Variants in SOCS7 observed in about 807,000 individuals in gnomAD.
SOCS7 encodes NAP-4.
A neutral mutation model predicts 58.9 loss-of-function variants in SOCS7; 18 were observed. The ratio of observed to expected loss-of-function variants is 0.31; its 90% CI spans 0.21 to 0.45. The LOEUF (loss-of-function observed/expected upper bound fraction) is 0.45, where lower values mean the gene tolerates loss of function less well. Ranked by LOEUF, SOCS7 falls within the 20% of genes least tolerant of loss-of-function variation. SOCS7 has a pLI of 1.00. For synonymous variants in SOCS7, 388 were observed against 364.3 expected (o/e 1.06, Z -0.74); for missense variants, 667 against 837.3 (o/e 0.80, Z 2.51).
chr17:38,386,540 C>G (rs2038070302), intron 7 of SOCS7, among the ~76,000 whole-genome samples: 1 of 152,100 alleles, frequency 6.6e-6, no homozygotes, highest in Non-Finnish European at 1.5e-5. Flanking sequence ...ATAGGAAACA[C>G]ATGATGTCTG....
intron 7 of SOCS7, among the ~76,000 whole-genome samples, chr17:38,392,454 C>A (rs1217470192): frequency 6.6e-6 from 1 of 152,174 alleles, no homozygotes; most frequent in Middle Eastern, 3.2e-3. Context: ...CCAAAGCTTT[C>A]TGTTTGCCAC....
At chr17:38,382,036 A>C (rs1204516414) in intron 7 of SOCS7, among the ~76,000 whole-genome samples, 1 of 151,610 alleles carries the variant, frequency 6.6e-6, no homozygotes, top group Non-Finnish European at 1.5e-5. Flanking sequence ...GTCACACAAA[A>C]CCTCTGATCC....
Position 38,402,265 on chromosome 17 carries a change from A to C in SOCS7, c.*2783A>C, listed in dbSNP as rs2038330326. 1 of 152,718 alleles carries C rather than the reference A, an allele frequency of 6.5e-6. No individual in the cohort carries two copies. 9.5% of individuals were successfully genotyped at this position (152,718 alleles called of 1,614,324 possible). A position where few individuals can be genotyped will look rare whatever the true frequency, so the allele number is the denominator to read the frequency against. On this transcript the variant is annotated 3_prime_UTR_variant, in exon 10 of 10. Coordinates refer to ENST00000612932, the MANE Select transcript of SOCS7 (RefSeq NM_014598.4). ...TTGGTGCCTGCATGGGTGGCCTTGC[A>C]CAGAGCAGTTAGGGGAAGATGAGGG...
chr17:38,395,828 C>T lies in SOCS7; in HGVS notation c.1818-20C>T. ...TTGTATAAAAACCTTTTGTGTATAT[C>T]CGTCATTTGTTTTTCACAGACCTCT... is the stretch of plus-strand genomic sequence containing the variant. On this transcript the variant is annotated intron_variant, in intron 8 of 9. Coordinates refer to ENST00000612932, the MANE Select transcript of SOCS7 (RefSeq NM_014598.4). The T allele has an allele frequency of 1.2e-6, 2 of 1,605,426 alleles. No homozygotes were observed. Among genetic ancestry groups the T allele is most frequent in the Non-Finnish European group, 1.7e-6 (2 of 1,177,422 alleles).
chr17:38,366,793 GC>G (rs1018955579), intron 5 of SOCS7, among the ~76,000 whole-genome samples: 1 of 152,172 alleles, frequency 6.6e-6, no homozygotes, highest in Admixed American at 6.5e-5. Flanking sequence ...ACCACACCCA[GC>G]CCCTGTTTAT....
chr17:38,392,747 TGG>T (rs1404890649), intron 7 of SOCS7, among the ~76,000 whole-genome samples: 1 of 152,174 alleles, frequency 6.6e-6, no homozygotes, highest in African/African-American at 2.4e-5. Flanking sequence ...GTGACTGTCC[TGG>T]ACAACCTCCC....
chr17:38,370,964 T>G (rs918961807), intron 6 of SOCS7, among the ~76,000 whole-genome samples: 1 of 152,200 alleles, frequency 6.6e-6, no homozygotes, highest in African/African-American at 2.4e-5. Flanking sequence ...ACTGGAATTT[T>G]TAATGGAAAC....
Position 38,351,954 on chromosome 17 carries a change from G to C in SOCS7, c.-99G>C, listed in dbSNP as rs972764719. ...AGAGGCCGCGGCGGCCGTTAGCGCT[G>C]TCGCTCCGGGGGCCGCGGCGGGCGG... On this transcript the variant is annotated 5_prime_UTR_variant, in exon 1 of 10. Transcript: ENST00000612932. Among the ~76,000 whole-genome samples, 1 of 151,308 alleles carries C rather than the reference G, an allele frequency of 6.6e-6. No homozygotes were observed. Among genetic ancestry groups the C allele is most frequent in the Non-Finnish European group, 1.5e-5 (1 of 67,756 alleles).
At chr17:38,395,749 C>G in intron 8 of SOCS7, 99 bp from the exon 9 acceptor site, 5 of 1,256,870 alleles carry the variant, frequency 4.0e-6, no homozygotes, top group Non-Finnish European at 4.5e-6. Context: ...TGTTAGGTCT[C>G]AACCATGTAG....
chr17:38,362,140 C>T (rs777506864), intron 2 of SOCS7, among the ~76,000 whole-genome samples: 3 of 152,178 alleles, frequency 2.0e-5, no homozygotes, highest in Non-Finnish European at 4.4e-5. Flanking sequence ...GTCTCTGCTT[C>T]CAAGGGAGTT....
rs1281639741 is a variant in SOCS7 at position 38,373,652 on chromosome 17, AG to A, written c.1553-4060del. On this transcript the variant is annotated intron_variant, in intron 6 of 9. Transcript: ENST00000612932. ...TCATCAGTGCTTTGTCTCTGGAGTAAGGAAGTACCTTGCCAGTAAGGGATTG... is the reference window on the plus strand; with the variant it reads ...TCATCAGTGCTTTGTCTCTGGAGTAAGAAGTACCTTGCCAGTAAGGGATTG... 1.1e-4 allele frequency among the ~76,000 whole-genome samples: 16 copies of A among 152,304 alleles called. No homozygotes were observed. The South Asian group carries it at 3.3e-3, about 32-fold the overall frequency.
At chr17:38,370,331 C>CT (rs2037846441) in intron 6 of SOCS7, among the ~76,000 whole-genome samples, 1 of 152,020 alleles carries the variant, frequency 6.6e-6, no homozygotes, top group African/African-American at 2.4e-5. Context: ...ACTTTGCTTC[C>CT]TTGAATAAGT....
intron 7 of SOCS7, among the ~76,000 whole-genome samples, chr17:38,383,234 G>A (rs1408896146): frequency 6.6e-6 from 1 of 152,266 alleles, no homozygotes. Context: ...GATGATTATA[G>A]TACCTCACTT....
At position 38,352,922 on chromosome 17, in the gene SOCS7, C is replaced by T; in HGVS notation, c.870C>T (p.Gly290=). 6.2e-7 allele frequency: 1 copy of T among 1,607,104 alleles called. No homozygotes were observed. The highest frequency in any genetic ancestry group is 8.5e-7 in the Non-Finnish European group (1 of 1,177,980). Residue 290 remains glycine (G), a synonymous_variant, in exon 1 of 10, where the codon GGC becomes GGT. Transcript: ENST00000612932. This position sits in a 1 kb window ranked among gnomAD's most constrained non-coding sequence, Gnocchi z 5.5. ...TTCGCACCAAGAGCTGCAACGGTGG[C>T]TCCGGCGGTGGGGATGGGACCGGCA... ...RLFRTKSCNG[G]SGGGDGTGKR... is the part of the protein sequence containing the mutation.
chr17:38,369,275 CCACAGCATCTTCCCCACTCAGCCCA>C (rs1244711695), intron 6 of SOCS7, among the ~76,000 whole-genome samples: 1 of 152,182 alleles, frequency 6.6e-6, no homozygotes, highest in African/African-American at 2.4e-5. Context: ...TTCTCAGGCC[CCACAGCATCTTCCCCACTCAGCCCA>C]CACTGCATCG....
intron 1 of SOCS7, among the ~76,000 whole-genome samples, chr17:38,355,193 G>C (rs1394709573): frequency 2.1e-4 from 32 of 152,196 alleles, no homozygotes; most frequent in Admixed American, 2.1e-3. Flanking sequence ...TCCAACATCA[G>C]CTAGGAGATG....
intron 7 of SOCS7, among the ~76,000 whole-genome samples, chr17:38,384,148 A>G (rs1014521561): frequency 6.6e-6 from 1 of 152,082 alleles, no homozygotes; most frequent in Non-Finnish European, 1.5e-5. Context: ...TACCTGCTTT[A>G]TGTTTATTTG....
intron 1 of SOCS7, 23 bp downstream of exon 1, chr17:38,353,055 C>T (rs776545615): frequency 5.9e-6 from 9 of 1,529,982 alleles, no homozygotes; most frequent in Non-Finnish European, 7.9e-6. Context: ...GGGGGCTGGC[C>T]GACAAACTTC....
intron 7 of SOCS7, among the ~76,000 whole-genome samples, chr17:38,382,424 C>A (rs1052338853): frequency 7.9e-6 from 1 of 126,022 alleles, no homozygotes; most frequent in Non-Finnish European, 1.6e-5. Context: ...AGTAATAGAG[C>A]GAGACCCTAT....
Sources: gnomAD v4.1 joint callset for allele counts (sites outside exome capture counted in the v4.1 genomes callset) on GRCh38, gnomAD v4.1.1 for gene constraint, Gnocchi (gnomAD v3.1) non-coding constraint, MANE v1.5 for transcripts, NCBI Gene and HGNC (gene_info 2026-07-23, HGNC 2026-07-21) for gene names.